CPS1: variants seen among roughly 807,000 people sequenced by gnomAD.
The protein encoded by CPS1 is carbamoyl-phosphate synthase [ammonia], mitochondrial.
Under a neutral mutation model 174.6 loss-of-function variants are expected in CPS1, and 109 were observed. The ratio of observed to expected loss-of-function variants is 0.62; its 90% CI spans 0.53 to 0.73. The LOEUF is 0.73. CPS1 is among the 30% of genes least tolerant of loss of function. The probability of loss-of-function intolerance (pLI) is 0.00; values close to 1 mark genes in which losing one functional copy is unlikely to be tolerated. For missense variants in CPS1, 1,689 were observed against 1,821.9 expected (o/e 0.93, Z 1.33); for synonymous variants, 637 against 632.0 (o/e 1.01, Z -0.12).
chr2:210,588,821 C>G (rs1229433077), intron 7 of CPS1, among the ~76,000 whole-genome samples: 1 of 152,012 alleles, frequency 6.6e-6, no homozygotes, highest in Non-Finnish European at 1.5e-5. Context: ...TTAGAGAATA[C>G]CAGCAATATT....
At chr2:210,611,657 A>G (rs113904866) in intron 19 of CPS1, among the ~76,000 whole-genome samples, 5 of 151,964 alleles carry the variant, frequency 3.3e-5, no homozygotes, top group African/African-American at 1.2e-4. Context: ...AGGAAAGCCA[A>G]CCTGTCTTGA....
At chr2:210,661,458 T>C (rs1700919370) in intron 32 of CPS1, among the ~76,000 whole-genome samples, 1 of 152,234 alleles carries the variant, frequency 6.6e-6, no homozygotes, top group Admixed American at 6.5e-5. Flanking sequence ...TTCTGATGTT[T>C]TCAAAAGGTT....
chr2:210,496,320 C>T (rs1161552422), intron 1 of CPS1, among the ~76,000 whole-genome samples: 1 of 152,204 alleles, frequency 6.6e-6, no homozygotes, highest in Admixed American at 6.5e-5. Context: ...TGCCTTTGTT[C>T]TCCTATCTCT....
At chr2:210,507,382 A>C (rs536914996) in intron 1 of CPS1, among the ~76,000 whole-genome samples, 147 of 152,340 alleles carry the variant, frequency 9.6e-4, no homozygotes, top group Non-Finnish European at 1.7e-3. Context: ...AGGAAGCACT[A>C]AACATGGAAA....
chr2:210,668,432 C>G (rs1441510647), intron 34 of CPS1, 148 bp downstream of exon 34: 1 of 703,252 alleles, frequency 1.4e-6, no homozygotes, highest in Non-Finnish European at 2.6e-6. Context: ...GACATTTGTT[C>G]TCTATTTGCT....
chr2:210,648,176 T>G, intron 26 of CPS1, 119 bp downstream of exon 26: 1 of 982,084 alleles, frequency 1.0e-6, no homozygotes, highest in South Asian at 1.5e-5. Flanking sequence ...ATGCATACAC[T>G]TAGTGAATTT....
At chr2:210,537,137 A>G (rs574962095) in intron 1 of CPS1, among the ~76,000 whole-genome samples, 15 of 152,342 alleles carry the variant, frequency 9.8e-5, no homozygotes, top group African/African-American at 3.6e-4. Context: ...TATATTAGCT[A>G]AAGATGAATT....
chr2:210,665,864 TG>T (rs1196830419), intron 33 of CPS1, among the ~76,000 whole-genome samples: 4 of 140,984 alleles, frequency 2.8e-5, no homozygotes, highest in African/African-American at 1.1e-4. Context: ...CTGGGTCAAA[TG>T]GTATTTCTAG....
In CPS1 at chr2:210,575,191, A is replaced by G. The variant is rs561168862; in HGVS notation, c.237-1155A>G. ...GACTATGTATTTTGTTGACAAGGTT[A>G]GTTCTGGTAGGCGTTAGTCTGGATG... On this transcript the variant is annotated intron_variant, in intron 2 of 37. Transcript: ENST00000233072. Among the ~76,000 whole-genome samples, 32 of 152,198 alleles carry G rather than the reference A, an allele frequency of 2.1e-4. No individual in the cohort carries two copies. In the South Asian group the frequency reaches 6.6e-3, roughly 32 times the overall value.
intron 21 of CPS1, among the ~76,000 whole-genome samples, chr2:210,620,959 C>T (rs188327553): frequency 7.9e-5 from 12 of 152,128 alleles, no homozygotes; most frequent in East Asian, 5.8e-4. Flanking sequence ...GTCTCTAATA[C>T]CTGAATATAG....
At chr2:210,490,183 A>G (rs924528391) in intron 1 of CPS1, among the ~76,000 whole-genome samples, 3 of 152,204 alleles carry the variant, frequency 2.0e-5, no homozygotes, top group Admixed American at 6.5e-5. Context: ...CAGGAATACC[A>G]TTTAGAAAAA....
At chr2:210,486,755 T>C (rs12468052) in intron 1 of CPS1, among the ~76,000 whole-genome samples, 31,139 of 152,176 alleles carry the variant, frequency 0.2, 3,723 homozygotes, top group Middle Eastern at 0.34. Flanking sequence ...GGTGATCCGC[T>C]CGCCTTGGCT....
chr2:210,597,856 A>G (rs1206728058), intron 13 of CPS1, among the ~76,000 whole-genome samples: 1 of 151,812 alleles, frequency 6.6e-6, no homozygotes, highest in Non-Finnish European at 1.5e-5. Flanking sequence ...ACATACACAC[A>G]CACATGCATG....
intron 23 of CPS1, among the ~76,000 whole-genome samples, chr2:210,639,618 CAA>C (rs397987630): frequency 6.2e-5 from 2 of 32,058 alleles, no homozygotes; most frequent in African/African-American, 8.8e-5. Flanking sequence ...GACTCCGTCT[CAA>C]AAAAAAAAAA....
chr2:210,655,505 G>C (rs1232488956), intron 29 of CPS1, among the ~76,000 whole-genome samples: 1 of 148,236 alleles, frequency 6.7e-6, no homozygotes, highest in Non-Finnish European at 1.5e-5. Context: ...GCTCAGTGGG[G>C]TGGGGTGCCT....
At chr2:210,565,072 T>C (rs948186291) in intron 1 of CPS1, among the ~76,000 whole-genome samples, 5 of 151,920 alleles carry the variant, frequency 3.3e-5, no homozygotes, top group African/African-American at 1.2e-4. Context: ...CATATAGCTA[T>C]TTTTGTAATT....
intron 1 of CPS1, among the ~76,000 whole-genome samples, chr2:210,490,371 A>T (rs758531826): frequency 3.1e-4 from 47 of 152,190 alleles, no homozygotes; most frequent in Non-Finnish European, 6.6e-4. Context: ...ATGTAGGCTT[A>T]TGTGACCTTC....
In CPS1 at chr2:210,491,307, G is replaced by GTTTTTTTTTTTTTTTTT. The variant is rs66825517; in HGVS notation, c.3+13556_3+13572dup. Among the ~76,000 whole-genome samples the GTTTTTTTTTTTTTTTTT allele has an allele frequency of 3.8e-4, 19 of 50,354 alleles. 4 individuals carry two copies. The highest frequency in any genetic ancestry group is 1.8e-3 in the African/African-American group (18 of 9,984). 33.0% of individuals were successfully genotyped at this position (50,354 alleles called of 152,430 possible). ...GTAAAAGCATGTATTTGGTATCTGTGTTTTTTTTTTTTTTTTTTTTTTTTT... is the reference window on the plus strand; with the variant it reads ...GTAAAAGCATGTATTTGGTATCTGTGTTTTTTTTTTTTTTTTTTTTTTTTTTTTTTTTTTTTTTTTTT... On this transcript the variant is annotated intron_variant, in intron 1 of 38. Coordinates refer to the CPS1 transcript ENST00000430249.
At position 210,624,812 on chromosome 2, in the gene CPS1, T is replaced by G. The variant is rs566995970; in HGVS notation, c.2687+8271T>G. Among the ~76,000 whole-genome samples the G allele has an allele frequency of 1.2e-4, 18 of 152,144 alleles. No individual in the cohort carries two copies. In the South Asian group the frequency reaches 3.7e-3, roughly 31 times the overall value. On this transcript the variant is annotated intron_variant, in intron 21 of 37. Transcript: ENST00000233072. Reference sequence around the variant, plus strand: ...AAGATGAATGTTTTGCTTAAAAGGTTTTCAGAGTAATATTCAGATGACTCA... The same window carrying G: ...AAGATGAATGTTTTGCTTAAAAGGTGTTCAGAGTAATATTCAGATGACTCA...
Sources: gnomAD v4.1 joint callset for allele counts (sites outside exome capture counted in the v4.1 genomes callset) on GRCh38, gnomAD v4.1.1 for gene constraint, MANE v1.5 for transcripts, NCBI Gene and HGNC (gene_info 2026-07-23, HGNC 2026-07-21) for gene names.